ZMYND8: variants seen among roughly 807,000 people sequenced by gnomAD.
ZMYND8 encodes zinc finger MYND-type containing 8, also known as MYND-type zinc finger-containing chromatin reader ZMYND8.
Under a neutral mutation model 140.8 loss-of-function variants are expected in ZMYND8, and 37 were observed. That is an observed-to-expected ratio of 0.26 (90% CI 0.20 to 0.35). ZMYND8 has a LOEUF of 0.35. ZMYND8 is among the 10% of genes least tolerant of loss of function. The pLI is 1.00. For synonymous variants in ZMYND8, 592 were observed against 597.1 expected (o/e 0.99, Z 0.12); for missense variants, 1,068 against 1,570.0 (o/e 0.68, Z 5.40).
At chr20:47,211,667 C>T (rs1413518371) in intron 22 of ZMYND8, among the ~76,000 whole-genome samples, 1 of 152,184 alleles carries the variant, frequency 6.6e-6, no homozygotes, top group African/African-American at 2.4e-5. Flanking sequence ...ACTGGAGAAA[C>T]CTTCCAGCCA....
chr20:47,332,715 A>T (rs972939276), intron 2 of ZMYND8, among the ~76,000 whole-genome samples: 1 of 151,956 alleles, frequency 6.6e-6, no homozygotes, highest in African/African-American at 2.4e-5. Context: ...ATCTCAAAAA[A>T]ATAAATAAAG....
At chr20:47,217,194 AAAG>A (rs1179122893) in intron 21 of ZMYND8, among the ~76,000 whole-genome samples, 3 of 152,178 alleles carry the variant, frequency 2.0e-5, no homozygotes, top group Non-Finnish European at 2.9e-5. Flanking sequence ...GTGAGGAAAA[AAAG>A]GCCACATCTG....
chr20:47,288,505 C>T (rs920591872), intron 7 of ZMYND8, among the ~76,000 whole-genome samples: 2 of 149,264 alleles, frequency 1.3e-5, no homozygotes, highest in Non-Finnish European at 3.0e-5. Flanking sequence ...GCGATTCTTG[C>T]GCCTCAGCCT....
At chr20:47,267,829 T>G (rs940393001) in intron 11 of ZMYND8, among the ~76,000 whole-genome samples, 1 of 152,234 alleles carries the variant, frequency 6.6e-6, no homozygotes, top group East Asian at 1.9e-4. Flanking sequence ...CAAGCCTTTG[T>G]GCCTGAGGTT....
In ZMYND8 at chr20:47,325,749, C is replaced by A. The variant is rs190529660; in HGVS notation, c.86-15545G>T. On this transcript the variant is annotated intron_variant, in intron 2 of 22. Coordinates refer to ENST00000471951, the MANE Select transcript of ZMYND8 (RefSeq NM_001281775.3). ...ATCTCAGGAGGTTTTTCTAAGACAA[C>A]CAATTTACTCATTCTCTCAATTATT... is the stretch of plus-strand genomic sequence containing the variant. 4.7e-3 allele frequency among the ~76,000 whole-genome samples: 719 copies of A among 152,106 alleles called. 4 individuals carry two copies. The highest frequency in any genetic ancestry group is 7.5e-3 in the Non-Finnish European group (510 of 67,996).
chr20:47,273,115 C>T (rs2076056889), intron 11 of ZMYND8, among the ~76,000 whole-genome samples: 1 of 152,154 alleles, frequency 6.6e-6, no homozygotes, highest in African/African-American at 2.4e-5. Flanking sequence ...TCTTCTAATC[C>T]TCTTAGTCTG....
At position 47,282,734 on chromosome 20, in the gene ZMYND8, A is replaced by C. The variant is rs540301094; in HGVS notation, c.883-517T>G. Among the ~76,000 whole-genome samples, 6 of 152,014 alleles carry C rather than the reference A, an allele frequency of 3.9e-5. No homozygotes were observed. The East Asian group carries it at 9.7e-4, about 24-fold the overall frequency. ...TCGAAACTCCATCTCAAAAAAAAAA[A>C]AACAAAAAAAAGAAAGATGAGAAAA... On this transcript the variant is annotated intron_variant, in intron 9 of 22. Coordinates refer to ENST00000471951, the MANE Select transcript of ZMYND8 (RefSeq NM_001281775.3).
At chr20:47,255,689 G>GTATATATA (rs367757125) in intron 12 of ZMYND8, among the ~76,000 whole-genome samples, 19 of 103,180 alleles carry the variant, frequency 1.8e-4, no homozygotes, top group African/African-American at 7.4e-4. Context: ...GTGTGTGTGT[G>GTATATATA]TATATATATA....
At chr20:47,258,354 C>A (rs1456274647) in intron 12 of ZMYND8, among the ~76,000 whole-genome samples, 1 of 152,214 alleles carries the variant, frequency 6.6e-6, no homozygotes, top group Non-Finnish European at 1.5e-5. Context: ...GTTTACACTT[C>A]TGTGAAACAT....
chr20:47,247,606 T>C (rs540980541), intron 13 of ZMYND8, among the ~76,000 whole-genome samples: 1 of 152,322 alleles, frequency 6.6e-6, no homozygotes, highest in South Asian at 2.1e-4. Context: ...AATAATACCA[T>C]ATCCTAAACT....
intron 2 of ZMYND8, among the ~76,000 whole-genome samples, chr20:47,316,308 G>A (rs1172692994): frequency 6.7e-6 from 1 of 148,986 alleles, no homozygotes; most frequent in Non-Finnish European, 1.5e-5. Context: ...TCCAGCCTGG[G>A]CAACAGAACG....
intron 3 of ZMYND8, among the ~76,000 whole-genome samples, chr20:47,306,145 T>C (rs978810634): frequency 6.6e-6 from 1 of 152,112 alleles, no homozygotes; most frequent in African/African-American, 2.4e-5. Context: ...CCCAACACTT[T>C]GGGAGGTTGA....
At chr20:47,214,304 G>A (rs1248954567) in intron 21 of ZMYND8, among the ~76,000 whole-genome samples, 1 of 152,242 alleles carries the variant, frequency 6.6e-6, no homozygotes, top group African/African-American at 2.4e-5. Context: ...GGAAGACTGA[G>A]AAGACTGACG....
chr20:47,242,876 C>T (rs1024920569), intron 14 of ZMYND8, among the ~76,000 whole-genome samples: 4 of 152,142 alleles, frequency 2.6e-5, no homozygotes, highest in South Asian at 2.1e-4. Flanking sequence ...TAATCAATCA[C>T]CTGTAGCGGG....
rs749699554 is a variant in ZMYND8 at position 47,276,575 on chromosome 20, C to T, written c.1219G>A (p.Gly407Ser). The T allele has an allele frequency of 8.1e-6, 13 of 1,613,626 alleles. No individual in the cohort carries two copies. The highest frequency in any genetic ancestry group is 4.5e-5 in the East Asian group (2 of 44,816). The change falls in exon 11 of 23, where the codon GGC becomes AGC. Residue 407 changes from glycine (G) to serine (S), a missense_variant. Physicochemically the swap from Gly to Ser is moderately conservative, Grantham distance 56 (BLOSUM62 0). This residue lies in a region of ZMYND8 where 49 missense variants were observed against 94.1 expected (regional missense o/e 0.52). Coordinates refer to ENST00000471951, the MANE Select transcript of ZMYND8 (RefSeq NM_001281775.3). ...TCCTGCTTGTCTATCTTGGCAGTGC[C>T]GGCGCTGGGGTTGGTGGGATCGAGC... ...MLLDPTNPSA[G>S]TAKIDKQEKV...
intron 22 of ZMYND8, among the ~76,000 whole-genome samples, chr20:47,212,433 G>C (rs1371361892): frequency 2.0e-5 from 3 of 152,184 alleles, no homozygotes; most frequent in Non-Finnish European, 4.4e-5. Flanking sequence ...AAGAAGCCAG[G>C]CCACATGCTC....
At chr20:47,231,474 C>T (rs564691128) in intron 16 of ZMYND8, among the ~76,000 whole-genome samples, 21 of 152,340 alleles carry the variant, frequency 1.4e-4, no homozygotes, top group African/African-American at 5.1e-4. Context: ...ACCACGCAAA[C>T]ACTGCAGCTC....
chr20:47,348,548 T>G (rs1473362003), intron 1 of ZMYND8: 1 of 154,748 alleles, frequency 6.5e-6, no homozygotes, highest in Non-Finnish European at 1.4e-5. Context: ...ACCCCCTGAA[T>G]GCTTCCTCTC....
At chr20:47,293,716 G>C (rs2148005878) in intron 5 of ZMYND8, among the ~76,000 whole-genome samples, 1 of 152,332 alleles carries the variant, frequency 6.6e-6, no homozygotes, top group African/African-American at 2.4e-5. Flanking sequence ...TTTGCAACCA[G>C]TCAGAATTTT....
Sources: gnomAD v4.1 joint callset for allele counts (sites outside exome capture counted in the v4.1 genomes callset) on GRCh38, gnomAD v4.1.1 for gene constraint, gnomAD v4.1.1 regional missense constraint, MANE v1.5 for transcripts, NCBI Gene and HGNC (gene_info 2026-07-23, HGNC 2026-07-21) for gene names.